The following FHIT variants were observed in gnomAD, a reference collection of about 807,000 sequenced individuals.
FHIT encodes bis(5'-adenosyl)-triphosphatase.
Under a neutral mutation model 17.9 loss-of-function variants are expected in FHIT, and 19 were observed. The ratio of observed to expected loss-of-function variants is 1.06; its 90% CI spans 0.74 to 1.56. The LOEUF is 1.56. Among genes scored for constraint, FHIT ranks in the 40% most tolerant of loss-of-function variants. The probability of loss-of-function intolerance (pLI) is 0.00; values close to 1 mark genes in which losing one functional copy is unlikely to be tolerated. For synonymous variants in FHIT, 81 were observed against 69.7 expected (o/e 1.16, Z -0.81); for missense variants, 248 against 189.2 (o/e 1.31, Z -1.82).
At chr3:59,831,144 A>G (rs554895419) in intron 8 of FHIT, among the ~76,000 whole-genome samples, 1 of 152,320 alleles carries the variant, frequency 6.6e-6, no homozygotes, top group South Asian at 2.1e-4. Flanking sequence ...GAGCTGAAAC[A>G]GTGTGCCTGA....
Position 60,232,696 on chromosome 3 carries a change from T to C in FHIT, c.104-218544A>G, listed in dbSNP as rs546399998. 5.3e-4 allele frequency among the ~76,000 whole-genome samples: 81 copies of C among 152,246 alleles called. 4 individuals are homozygous for C. The South Asian group carries it at 0.016, about 31-fold the overall frequency. ...CCAAAGCTAAAATCTTATCTCCATC[T>C]CCATCTCCAGTATAAGCACCCTTGT... On this transcript the variant is annotated intron_variant, in intron 5 of 9. Coordinates refer to ENST00000492590, the MANE Select transcript of FHIT (RefSeq NM_002012.4).
intron 5 of FHIT, among the ~76,000 whole-genome samples, chr3:60,050,290 T>C: frequency 6.6e-6 from 1 of 152,194 alleles, no homozygotes. Flanking sequence ...AATCTTTAAT[T>C]ATAATTAAAT....
At chr3:60,452,864 A>C (rs2031838064) in intron 5 of FHIT, among the ~76,000 whole-genome samples, 1 of 152,330 alleles carries the variant, frequency 6.6e-6, no homozygotes, top group Non-Finnish European at 1.5e-5. Context: ...AGGTACATTG[A>C]AAGTATGCAA....
intron 5 of FHIT, among the ~76,000 whole-genome samples, chr3:60,284,015 C>G (rs213370): frequency 0.19 from 29,202 of 151,872 alleles, 3,067 homozygotes; most frequent in South Asian, 0.35. Context: ...AGATAGACAG[C>G]TCTGCCCAGG....
At chr3:61,207,716 T>G (rs890934003) in intron 1 of FHIT, among the ~76,000 whole-genome samples, 1 of 152,208 alleles carries the variant, frequency 6.6e-6, no homozygotes, top group African/African-American at 2.4e-5. Context: ...TCTTTTCTTC[T>G]TCATTAGTCT....
intron 4 of FHIT, among the ~76,000 whole-genome samples, chr3:60,680,118 G>T (rs575388596): frequency 4.6e-5 from 7 of 152,212 alleles, no homozygotes; most frequent in African/African-American, 1.7e-4. Context: ...CAACTATTCT[G>T]GATGATGCCA....
chr3:61,078,946 C>A (rs2035049769), intron 2 of FHIT, among the ~76,000 whole-genome samples: 1 of 151,904 alleles, frequency 6.6e-6, no homozygotes, highest in African/African-American at 2.4e-5. Context: ...AGAACATTTT[C>A]TTCTATGTCC....
intron 7 of FHIT, among the ~76,000 whole-genome samples, chr3:59,938,219 T>G (rs1348857746): frequency 2.0e-5 from 3 of 152,158 alleles, no homozygotes; most frequent in Admixed American, 2.0e-4. Context: ...TTATTCGGCC[T>G]TAAAAATTAA....
chr3:59,858,236 C>CTT (rs563841299), intron 8 of FHIT, among the ~76,000 whole-genome samples: 711 of 84,440 alleles, frequency 8.4e-3, no homozygotes, highest in Middle Eastern at 0.023. Context: ...TTCCCACCTT[C>CTT]TTTTTTTTTT....
chr3:60,661,754 G>A (rs2040252323), intron 4 of FHIT, among the ~76,000 whole-genome samples: 1 of 152,166 alleles, frequency 6.6e-6, no homozygotes, highest in Admixed American at 6.5e-5. Flanking sequence ...TCTTGCAGCT[G>A]TAAGGTAGTA....
chr3:61,233,226 AAAT>A (rs2040148946), intron 1 of FHIT, among the ~76,000 whole-genome samples: 2 of 152,180 alleles, frequency 1.3e-5, no homozygotes, highest in South Asian at 4.1e-4. Flanking sequence ...TTATCTAAGA[AAAT>A]AATAAGAGAT....
intron 4 of FHIT, among the ~76,000 whole-genome samples, chr3:60,577,224 G>C (rs781977846): frequency 1.3e-5 from 2 of 152,054 alleles, no homozygotes; most frequent in Admixed American, 6.6e-5. Flanking sequence ...CTAGTTCAGG[G>C]AACAAGCTCT....
chr3:60,951,651 C>CGG (rs1708889885), intron 3 of FHIT, among the ~76,000 whole-genome samples: 1 of 152,158 alleles, frequency 6.6e-6, no homozygotes, highest in South Asian at 2.1e-4. Flanking sequence ...AGCTTGCTAC[C>CGG]AGCACAACGC....
chr3:60,808,404 G>C (rs1553735064), intron 4 of FHIT, among the ~76,000 whole-genome samples: 1 of 152,060 alleles, frequency 6.6e-6, no homozygotes, highest in African/African-American at 2.4e-5. Context: ...TTAATTTTGA[G>C]ATGTGTAGTC....
In FHIT at chr3:60,202,106, C is replaced by G. The variant is rs554575228; in HGVS notation, c.104-187954G>C. ...TCAATCCATAAAAATGAACAAAGTG[C>G]TATAATGTTACAGTGGAAAGAGCAT... On this transcript the variant is annotated intron_variant, in intron 5 of 9. Transcript: ENST00000492590. Among the ~76,000 whole-genome samples the G allele has an allele frequency of 1.3e-4, 20 of 152,250 alleles. No homozygotes were observed. In the South Asian group the frequency reaches 3.5e-3, roughly 27 times the overall value.
chr3:60,114,353 G>A (rs1704848913), intron 5 of FHIT, among the ~76,000 whole-genome samples: 2 of 151,418 alleles, frequency 1.3e-5, no homozygotes, highest in South Asian at 4.2e-4. Flanking sequence ...ATAGCATCAT[G>A]TTTTCAAACA....
chr3:60,676,749 C>T (rs1166382452), intron 4 of FHIT, among the ~76,000 whole-genome samples: 2 of 152,146 alleles, frequency 1.3e-5, no homozygotes, highest in Non-Finnish European at 2.9e-5. Context: ...CCTGAAAATC[C>T]TCATCTATAA....
chr3:60,124,041 G>GACAGAGAGAGAGAGAGAC lies in FHIT; in HGVS notation c.104-109890_104-109889insGTCTCTCTCTCTCTCTGT, dbSNP rs760989621. Among the ~76,000 whole-genome samples, 85 of 47,664 alleles carry GACAGAGAGAGAGAGAGAC rather than the reference G, an allele frequency of 1.8e-3. 6 individuals are homozygous for GACAGAGAGAGAGAGAGAC. The highest frequency in any genetic ancestry group is 3.7e-3 in the South Asian group (4 of 1,088). The allele number at this position is 47,664 out of a possible 152,430, so 31.3% of individuals were successfully genotyped here. A position where few individuals can be genotyped will look rare whatever the true frequency, so the allele number is the denominator to read the frequency against. On this transcript the variant is annotated intron_variant, in intron 5 of 9. Coordinates refer to ENST00000492590, the MANE Select transcript of FHIT (RefSeq NM_002012.4). ...AGAGAGAGAGAGAGAGAGAGAGAGA[G>GACAGAGAGAGAGAGAGAC]AGAGAGAGAGAGAGACAGAGAGAGA...
intron 9 of FHIT, 37 bp from the exon 10 acceptor site, chr3:59,749,616 T>G (rs1700774385): frequency 4.3e-6 from 1 of 230,334 alleles, no homozygotes; most frequent in Non-Finnish European, 8.6e-6. Flanking sequence ...GCCTTATGAT[T>G]CTAACATCAG....
Sources: allele counts gnomAD v4.1 joint callset (sites outside exome capture counted in the v4.1 genomes callset), GRCh38; gene constraint gnomAD v4.1.1; transcripts MANE v1.5; gene names NCBI Gene and HGNC (gene_info 2026-07-23, HGNC 2026-07-21).